MDGA2: variants seen among roughly 807,000 people sequenced by gnomAD.
The protein encoded by MDGA2 is MAM domain-containing glycosylphosphatidylinositol anchor protein 2.
MDGA2 carries 40 observed loss-of-function variants against 117.8 expected under a neutral mutation model. That is an observed-to-expected ratio of 0.34 (90% CI 0.26 to 0.44). The LOEUF (loss-of-function observed/expected upper bound fraction) is 0.44, where lower values mean the gene tolerates loss of function less well. MDGA2 is among the 20% of genes least tolerant of loss of function. The probability of loss-of-function intolerance (pLI) is 1.00; values close to 1 mark genes in which losing one functional copy is unlikely to be tolerated. For missense variants in MDGA2, 1,123 were observed against 1,250.6 expected, an observed-to-expected ratio of 0.90 and a Z score of 1.54; for synonymous variants, 452 against 439.0, an observed-to-expected ratio of 1.03 and a Z score of -0.37.
At chr14:47,087,460 C>CAAAAAAAA (rs749371957) in intron 6 of MDGA2, among the ~76,000 whole-genome samples, 124 of 67,914 alleles carry the variant, frequency 1.8e-3, no homozygotes, top group East Asian at 4.0e-3. Flanking sequence ...GACTCCACAT[C>CAAAAAAAA]AAAAAAAAAA....
At chr14:47,407,282 T>C (rs1892278166) in intron 1 of MDGA2, among the ~76,000 whole-genome samples, 1 of 152,208 alleles carries the variant, frequency 6.6e-6, no homozygotes, top group South Asian at 2.1e-4. Context: ...TGTATGTCCA[T>C]TTCATTGCAC....
intron 2 of MDGA2, among the ~76,000 whole-genome samples, chr14:47,230,581 T>C (rs1036727632): frequency 2.0e-5 from 3 of 152,000 alleles, no homozygotes; most frequent in Non-Finnish European, 4.4e-5. Context: ...ACATTTTCAA[T>C]CTTATGGACA....
chr14:47,665,552 A>T (rs1897929950), intron 1 of MDGA2, among the ~76,000 whole-genome samples: 1 of 152,072 alleles, frequency 6.6e-6, no homozygotes, highest in Non-Finnish European at 1.5e-5. Context: ...AGTGGGAACC[A>T]GGGCTGCGCT....
intron 5 of MDGA2, among the ~76,000 whole-genome samples, chr14:47,115,956 T>C (rs1189261252): frequency 1.3e-5 from 2 of 151,954 alleles, no homozygotes; most frequent in Admixed American, 1.3e-4. Context: ...GAAAAAAGAA[T>C]AGGAGGCATT....
At chr14:47,131,907 A>G (rs1882225550) in intron 4 of MDGA2, 61 bp from the exon 5 acceptor site, 5 of 1,309,962 alleles carry the variant, frequency 3.8e-6, no homozygotes, top group Non-Finnish European at 5.2e-6. Flanking sequence ...AGAATGAATG[A>G]AACATCACAT....
At chr14:46,904,109 A>G (rs1296061314) in intron 10 of MDGA2, among the ~76,000 whole-genome samples, 2 of 152,190 alleles carry the variant, frequency 1.3e-5, no homozygotes, top group African/African-American at 4.8e-5. Flanking sequence ...CATGCCTGTA[A>G]TCCCAGCACT....
At position 46,843,098 on chromosome 14, in the gene MDGA2, A is replaced by G. The variant is rs143626598; in HGVS notation, c.2990-1079T>C. On this transcript the variant is annotated intron_variant, in intron 16 of 16. Transcript: ENST00000399232. ...CCCAATACATACAGGGGGTGTTTTCATATTTAAAACTGCCACACATTTCTT... is the reference window on the plus strand; with the variant it reads ...CCCAATACATACAGGGGGTGTTTTCGTATTTAAAACTGCCACACATTTCTT... Among the ~76,000 whole-genome samples, 77 of 152,204 alleles carry G rather than the reference A, an allele frequency of 5.1e-4. 1 individual carries two copies. In the East Asian group the frequency reaches 0.014, roughly 29 times the overall value.
chr14:47,559,624 G>A (rs1428545061), intron 1 of MDGA2, among the ~76,000 whole-genome samples: 3 of 150,698 alleles, frequency 2.0e-5, no homozygotes, highest in Non-Finnish European at 4.4e-5. Flanking sequence ...CCAGGCTGGA[G>A]TGCAATGGCA....
chr14:47,665,847 C>T (rs1159256658), intron 1 of MDGA2, among the ~76,000 whole-genome samples: 2 of 145,424 alleles, frequency 1.4e-5, no homozygotes, highest in Non-Finnish European at 1.5e-5. Context: ...CGCCCCACCC[C>T]ACCATGGACT....
At chr14:47,454,925 T>C (rs1893317786) in intron 1 of MDGA2, among the ~76,000 whole-genome samples, 1 of 152,170 alleles carries the variant, frequency 6.6e-6, no homozygotes, top group Non-Finnish European at 1.5e-5. Context: ...GTTGGGAAGA[T>C]AGCACTCACA....
chr14:47,217,844 G>C (rs73249906), intron 3 of MDGA2, among the ~76,000 whole-genome samples, 177 bp downstream of exon 3: 7 of 152,160 alleles, frequency 4.6e-5, no homozygotes, highest in African/African-American at 1.7e-4. Flanking sequence ...TAGAAGTTAT[G>C]AAAGTTTCTA....
intron 3 of MDGA2, among the ~76,000 whole-genome samples, chr14:47,164,683 G>A (rs886464342): frequency 3.3e-5 from 5 of 152,198 alleles, no homozygotes; most frequent in Non-Finnish European, 7.3e-5. Flanking sequence ...CATTGTGGAA[G>A]ACAGTGTGGC....
At chr14:47,105,060 C>T (rs1880571917) in intron 5 of MDGA2, among the ~76,000 whole-genome samples, 1 of 152,096 alleles carries the variant, frequency 6.6e-6, no homozygotes, top group African/African-American at 2.4e-5. Context: ...GCAGGGACGC[C>T]TCTCTGATTA....
At chr14:47,465,641 C>T (rs899387225) in intron 1 of MDGA2, among the ~76,000 whole-genome samples, 1 of 152,130 alleles carries the variant, frequency 6.6e-6, no homozygotes, top group East Asian at 1.9e-4. Context: ...TATCATCTCA[C>T]ACCAGTCAGA....
intron 8 of MDGA2, among the ~76,000 whole-genome samples, chr14:46,986,334 C>T (rs1886857692): frequency 6.6e-6 from 1 of 151,954 alleles, no homozygotes; most frequent in Non-Finnish European, 1.5e-5. Flanking sequence ...TTATTTATAC[C>T]AACAAAGCCT....
intron 5 of MDGA2, among the ~76,000 whole-genome samples, chr14:47,118,197 C>G (rs779762689): frequency 6.6e-5 from 10 of 152,148 alleles, no homozygotes; most frequent in Admixed American, 4.6e-4. Context: ...ATTCAAGGAG[C>G]TACATTTCTT....
intron 3 of MDGA2, among the ~76,000 whole-genome samples, chr14:47,153,584 G>A (rs1202665090): frequency 2.0e-5 from 3 of 151,898 alleles, no homozygotes; most frequent in East Asian, 3.9e-4. Flanking sequence ...ATGGATTTGG[G>A]AGTCATCAGT....
chr14:47,355,487 G>C (rs376313912), intron 1 of MDGA2, among the ~76,000 whole-genome samples: 1 of 152,078 alleles, frequency 6.6e-6, no homozygotes, highest in Non-Finnish European at 1.5e-5. Flanking sequence ...AGGGATAAGA[G>C]AAATGGGATG....
At chr14:47,203,102 G>A (rs1006600556) in intron 3 of MDGA2, among the ~76,000 whole-genome samples, 10 of 151,892 alleles carry the variant, frequency 6.6e-5, no homozygotes, top group African/African-American at 9.7e-5. Flanking sequence ...ATCCTATCAC[G>A]AACACCACCT....
Sources: allele counts gnomAD v4.1 joint callset (sites outside exome capture counted in the v4.1 genomes callset), GRCh38; gene constraint gnomAD v4.1.1; transcripts MANE v1.5; gene names NCBI Gene and HGNC (gene_info 2026-07-23, HGNC 2026-07-21).